Variants in CDH13 observed in about 807,000 individuals in gnomAD.
CDH13 encodes the protein cadherin-13.
CDH13 carries 24 observed loss-of-function variants against 63.8 expected under a neutral mutation model. The observed-to-expected ratio is 0.38, with a 90% CI of 0.27 to 0.53. The LOEUF is 0.53. CDH13 is among the 20% of genes least tolerant of loss of function. The pLI is 0.85. For missense variants in CDH13, 1,049 were observed against 903.1 expected (o/e 1.16, Z -2.07); for synonymous variants, 503 against 355.3 (o/e 1.42, Z -4.67).
At chr16:83,570,826 A>AAATT (rs1904524080) in intron 7 of CDH13, among the ~76,000 whole-genome samples, 1 of 106,472 alleles carries the variant, frequency 9.4e-6, no homozygotes, top group Non-Finnish European at 2.1e-5. Flanking sequence ...ATAAATATAA[A>AAATT]TAAAAATTTA....
intron 3 of CDH13, among the ~76,000 whole-genome samples, chr16:83,094,180 A>T (rs868235923): frequency 6.6e-6 from 1 of 152,202 alleles, no homozygotes. Flanking sequence ...AAAATGGAGA[A>T]GCTCCCAGGC....
At chr16:83,358,860 C>A (rs796479173) in intron 6 of CDH13, among the ~76,000 whole-genome samples, 12 of 152,200 alleles carry the variant, frequency 7.9e-5, no homozygotes, top group African/African-American at 2.9e-4. Context: ...AAAAAAACCC[C>A]ACTGCCTTAT....
chr16:83,001,917 A>T (rs1912976601), intron 2 of CDH13, among the ~76,000 whole-genome samples: 1 of 152,200 alleles, frequency 6.6e-6, no homozygotes, highest in African/African-American at 2.4e-5. Flanking sequence ...TGTACACCTC[A>T]GGAACATCAT....
intron 11 of CDH13, among the ~76,000 whole-genome samples, chr16:83,763,173 T>A (rs1423311097): frequency 2.0e-5 from 3 of 152,166 alleles, no homozygotes; most frequent in Non-Finnish European, 4.4e-5. Flanking sequence ...TTATATAAAG[T>A]ATGTTTGAGC....
intron 11 of CDH13, among the ~76,000 whole-genome samples, chr16:83,770,944 A>G (rs1914718750): frequency 6.6e-6 from 1 of 152,176 alleles, no homozygotes; most frequent in South Asian, 2.1e-4. Flanking sequence ...CATTTTACCC[A>G]GCACCTATTC....
chr16:83,106,684 C>T (rs567515497), intron 3 of CDH13, among the ~76,000 whole-genome samples: 55 of 152,280 alleles, frequency 3.6e-4, no homozygotes, highest in Non-Finnish European at 6.8e-4. Context: ...GGAAAGAAAA[C>T]TTGGGAAGTA....
At chr16:82,717,377 A>C (rs1289417604) in intron 1 of CDH13, among the ~76,000 whole-genome samples, 1 of 149,452 alleles carries the variant, frequency 6.7e-6, no homozygotes, top group African/African-American at 2.5e-5. Context: ...CGGAGGTTGC[A>C]GTGGATTGAG....
At chr16:83,711,703 G>C (rs1211999545) in intron 10 of CDH13, among the ~76,000 whole-genome samples, 1 of 152,102 alleles carries the variant, frequency 6.6e-6, no homozygotes, top group Non-Finnish European at 1.5e-5. Context: ...TTTTAGTAGA[G>C]ACGGGATTTC....
At chr16:83,069,852 T>C (rs2032305767) in intron 3 of CDH13, among the ~76,000 whole-genome samples, 1 of 152,190 alleles carries the variant, frequency 6.6e-6, no homozygotes, top group South Asian at 2.1e-4. Flanking sequence ...AATTGTCTTT[T>C]AGAGGAAAAC....
chr16:83,149,478 G>C (rs945800335), intron 4 of CDH13, among the ~76,000 whole-genome samples: 4 of 152,106 alleles, frequency 2.6e-5, no homozygotes, highest in African/African-American at 9.7e-5. Flanking sequence ...AACTGAGAGG[G>C]GATATGGTAC....
At chr16:83,142,912 T>C (rs967341784) in intron 4 of CDH13, among the ~76,000 whole-genome samples, 1 of 152,186 alleles carries the variant, frequency 6.6e-6, no homozygotes, top group African/African-American at 2.4e-5. Context: ...AAGACCAGCC[T>C]GACCCACATG....
At position 83,055,250 on chromosome 16, in the gene CDH13, A is replaced by T. The variant is rs188915906; in HGVS notation, c.366+23032A>T. 5.9e-4 allele frequency among the ~76,000 whole-genome samples: 90 copies of T among 151,932 alleles called. No homozygotes were observed. The East Asian group carries it at 8.5e-3, about 14-fold the overall frequency. On this transcript the variant is annotated intron_variant, in intron 3 of 13. Coordinates refer to ENST00000567109, the MANE Select transcript of CDH13 (RefSeq NM_001257.5). ...GAGAACACCAAATTTAACTCTAATA[A>T]AATGGAGGGAAGGAAATAACAAAAA...
chr16:83,225,430 G>A (rs1164143717), intron 5 of CDH13, among the ~76,000 whole-genome samples: 1 of 152,132 alleles, frequency 6.6e-6, no homozygotes. Flanking sequence ...ATTTGTCCCA[G>A]GCTTCCTTGC....
intron 2 of CDH13, among the ~76,000 whole-genome samples, chr16:82,925,471 A>T (rs904168398): frequency 6.6e-6 from 1 of 152,188 alleles, no homozygotes; most frequent in Non-Finnish European, 1.5e-5. Context: ...CATTGCCCTG[A>T]CATCCCCTAT....
intron 4 of CDH13, among the ~76,000 whole-genome samples, chr16:83,163,998 A>T (rs1414671809): frequency 6.6e-6 from 1 of 152,062 alleles, no homozygotes; most frequent in African/African-American, 2.4e-5. Flanking sequence ...TTTTGCAAAC[A>T]TTATCTAATT....
chr16:82,651,924 A>C (rs9936069), intron 1 of CDH13, among the ~76,000 whole-genome samples: 6 of 152,210 alleles, frequency 3.9e-5, no homozygotes, highest in Non-Finnish European at 7.3e-5. Context: ...AGCAGGAGGG[A>C]AGATAAGACA....
rs186016298 is a variant in CDH13 at position 82,960,490 on chromosome 16, G to A, written c.158-71520G>A. On this transcript the variant is annotated intron_variant, in intron 2 of 13. Transcript: ENST00000567109. Reference sequence around the variant, plus strand: ...GAGCCAAGGGGAGATGTGGGAAGCTGGAGAGAAAGTGGAAAAGGACTATGT... The same window carrying A: ...GAGCCAAGGGGAGATGTGGGAAGCTAGAGAGAAAGTGGAAAAGGACTATGT... 2.1e-3 allele frequency among the ~76,000 whole-genome samples: 319 copies of A among 152,266 alleles called. 1 individual carries two copies. The highest frequency in any genetic ancestry group is 0.017 in the Middle Eastern group (5 of 294).
intron 8 of CDH13, among the ~76,000 whole-genome samples, chr16:83,605,364 G>A (rs1348849834): frequency 6.6e-6 from 1 of 152,322 alleles, no homozygotes; most frequent in African/African-American, 2.4e-5. Flanking sequence ...AAAGGCTGAT[G>A]TTCTTTGTTG....
intron 5 of CDH13, among the ~76,000 whole-genome samples, chr16:83,277,886 A>G (rs554223521): frequency 2.3e-4 from 35 of 152,334 alleles, no homozygotes; most frequent in Non-Finnish European, 4.0e-4. Context: ...AAATTTGAGA[A>G]GTTTGTTTGC....
Sources: gnomAD v4.1 joint callset for allele counts (sites outside exome capture counted in the v4.1 genomes callset) on GRCh38, gnomAD v4.1.1 for gene constraint, MANE v1.5 for transcripts, NCBI Gene and HGNC (gene_info 2026-07-23, HGNC 2026-07-21) for gene names.